The following TGM6 variants were observed in gnomAD, a reference collection of about 807,000 sequenced individuals.
TGM6 encodes protein-glutamine gamma-glutamyltransferase 6.
In TGM6, 74 loss-of-function variants were observed where a neutral mutation model predicts 77.5. The observed-to-expected ratio is 0.96, with a 90% CI of 0.79 to 1.16. The LOEUF is 1.16. Among genes scored for constraint, TGM6 ranks in the 50% most tolerant of loss-of-function variants. TGM6 has a pLI of 0.00. For synonymous variants in TGM6, 383 were observed against 378.9 expected (o/e 1.01, Z -0.12); for missense variants, 968 against 940.2 (o/e 1.03, Z -0.39).
chr20:2,382,844 G>A (rs754851843), intron 1 of TGM6, among the ~76,000 whole-genome samples: 72 of 152,298 alleles, frequency 4.7e-4, no homozygotes, highest in Admixed American at 2.0e-3. Context: ...CTGGAGCCTG[G>A]ATGTGGCCCC....
At chr20:2,398,787 T>A (rs1292275671) in intron 5 of TGM6, among the ~76,000 whole-genome samples, 6 of 152,104 alleles carry the variant, frequency 3.9e-5, no homozygotes, top group Admixed American at 3.9e-4. Context: ...ATCACAGGCC[T>A]CAGGCTATGG....
intron 6 of TGM6, 122 bp downstream of exon 6, chr20:2,399,860 A>G (rs1438108777): frequency 3.3e-6 from 3 of 910,300 alleles, no homozygotes; most frequent in African/African-American, 1.7e-5. Flanking sequence ...GACAGGGAGA[A>G]CGAAGTCTGG....
At chr20:2,429,768 CAA>C (rs764062831) in intron 10 of TGM6, among the ~76,000 whole-genome samples, 15 of 129,152 alleles carry the variant, frequency 1.2e-4, no homozygotes, top group Non-Finnish European at 8.4e-5. Context: ...ACTCCGTCTC[CAA>C]AAAAAAAAAA....
At chr20:2,418,507 G>T (rs1190817827) in intron 10 of TGM6, among the ~76,000 whole-genome samples, 1 of 152,126 alleles carries the variant, frequency 6.6e-6, no homozygotes, top group Non-Finnish European at 1.5e-5. Context: ...AGGCAGTCTG[G>T]CATGAGAGAC....
intron 10 of TGM6, among the ~76,000 whole-genome samples, chr20:2,428,266 G>A (rs984523193): frequency 1.8e-4 from 27 of 152,162 alleles, no homozygotes; most frequent in Non-Finnish European, 3.7e-4. Context: ...CGGTGCTATT[G>A]AGAACCATTG....
intron 10 of TGM6, among the ~76,000 whole-genome samples, chr20:2,424,877 T>C (rs2084877725): frequency 6.6e-6 from 1 of 152,128 alleles, no homozygotes; most frequent in Non-Finnish European, 1.5e-5. Context: ...TTCAATATTA[T>C]TGTGTATCCG....
Position 2,395,209 on chromosome 20 carries a change from A to G in TGM6, c.197A>G (p.Glu66Gly), listed in dbSNP as rs1352134782. ...TCTCCTCCAGGACCCCGGGCTTCTG[A>G]GGCCCTCCACACCAAAGCTGTGTTC... ...FTMETGPRAS[E>G]ALHTKAVFQT... is the part of the protein sequence containing the mutation. Residue 66 changes from glutamate to glycine, a missense_variant, in exon 3 of 13, where the codon GAG becomes GGG. By Grantham distance (98) the Glu-to-Gly change is moderately conservative. Coordinates refer to ENST00000202625, the MANE Select transcript of TGM6 (RefSeq NM_198994.3). The G allele has an allele frequency of 6.2e-7, 1 of 1,613,570 alleles. No homozygotes were observed. Among genetic ancestry groups the G allele is most frequent in the Admixed American group, 1.7e-5 (1 of 60,024 alleles).
intron 7 of TGM6, 27 bp downstream of exon 7, chr20:2,400,471 G>C (rs764652641): frequency 6.2e-7 from 1 of 1,613,668 alleles, no homozygotes; most frequent in South Asian, 1.1e-5. Flanking sequence ...GCCTAGGCCC[G>C]AGGGCTCTGG....
intron 1 of TGM6, among the ~76,000 whole-genome samples, chr20:2,390,173 C>T (rs187236291): frequency 6.2e-4 from 94 of 152,254 alleles, no homozygotes; most frequent in African/African-American, 2.1e-3. Flanking sequence ...GCGATGAGCC[C>T]TTCCTGTTCA....
intron 7 of TGM6, 47 bp from the exon 8 acceptor site, chr20:2,403,350 C>G (rs143305256): frequency 3.3e-5 from 53 of 1,605,758 alleles, no homozygotes; most frequent in Middle Eastern, 1.7e-4. Context: ...TCTTCCCTTC[C>G]TATGCCCTCA....
chr20:2,399,134 G>A (rs374024931), intron 5 of TGM6, among the ~76,000 whole-genome samples: 5 of 113,438 alleles, frequency 4.4e-5, no homozygotes, highest in African/African-American at 1.3e-4. Context: ...CTCAGTTTTT[G>A]CATCTGAAAA....
intron 10 of TGM6, among the ~76,000 whole-genome samples, chr20:2,424,251 C>G (rs935905905): frequency 6.6e-6 from 1 of 152,230 alleles, no homozygotes; most frequent in Admixed American, 6.5e-5. Flanking sequence ...TAGATGGCAT[C>G]TTCTTCCAAT....
intron 1 of TGM6, among the ~76,000 whole-genome samples, chr20:2,388,624 C>CA (rs11442124): frequency 0.63 from 93,062 of 147,730 alleles, 29,408 homozygotes; most frequent in African/African-American, 0.68. Flanking sequence ...AACAAACAAA[C>CA]AAACAAAAAA....
chr20:2,381,979 C>G (rs2084558081), intron 1 of TGM6, among the ~76,000 whole-genome samples: 1 of 60,176 alleles, frequency 1.7e-5, no homozygotes, highest in Non-Finnish European at 3.1e-5. Context: ...GCAGCAAACT[C>G]CCTCTGCAAG....
chr20:2,388,922 A>G (rs1202904903), intron 1 of TGM6, among the ~76,000 whole-genome samples: 1 of 152,204 alleles, frequency 6.6e-6, no homozygotes, highest in African/African-American at 2.4e-5. Flanking sequence ...GTGGTTCTCA[A>G]CTGTGGCAGA....
chr20:2,431,243 C>A (rs930214856), intron 12 of TGM6, among the ~76,000 whole-genome samples: 6 of 152,222 alleles, frequency 3.9e-5, no homozygotes, highest in African/African-American at 1.4e-4. Flanking sequence ...CTCAGTCATT[C>A]ACTCATATCA....
In TGM6 at chr20:2,394,545, G is replaced by T. The variant is rs566673079; in HGVS notation, c.101G>T (p.Arg34Met). The T allele has an allele frequency of 6.2e-7, 1 of 1,612,062 alleles. No homozygotes were observed. The highest frequency in any genetic ancestry group is 1.1e-5 in the South Asian group (1 of 90,960). ...EYPCPELVVRRGQSFSLTLEL... is the reference protein window; with the variant it reads ...EYPCPELVVRMGQSFSLTLEL... ...CCCTGCCCTGAGCTGGTGGTTCGCAGGGGCCAGTCGTTCAGCCTCACGCTG... is the reference window on the plus strand; with the variant it reads ...CCCTGCCCTGAGCTGGTGGTTCGCATGGGCCAGTCGTTCAGCCTCACGCTG... Residue 34 changes from arginine to methionine, a missense_variant, in exon 2 of 13, where the codon AGG becomes ATG. By Grantham distance (91) the Arg-to-Met change is moderately conservative (BLOSUM62 -1). Coordinates refer to ENST00000202625, the MANE Select transcript of TGM6 (RefSeq NM_198994.3).
chr20:2,387,806 G>C lies in TGM6; in HGVS notation c.8-6646G>C, dbSNP rs548680560. 7.2e-5 allele frequency among the ~76,000 whole-genome samples: 11 copies of C among 152,216 alleles called. No individual in the cohort carries two copies. In the East Asian group the frequency reaches 2.1e-3, roughly 29 times the overall value. On this transcript the variant is annotated intron_variant, in intron 1 of 12. Coordinates refer to ENST00000202625, the MANE Select transcript of TGM6 (RefSeq NM_198994.3). ...GCAGAGCTCGGCAGGGACAGCTTGC[G>C]TCTGCATCAGCTGGGGCAGATTGCC...
At chr20:2,397,633 C>T (rs538740085) in intron 4 of TGM6, among the ~76,000 whole-genome samples, 12 of 152,274 alleles carry the variant, frequency 7.9e-5, no homozygotes, top group Non-Finnish European at 1.6e-4. Context: ...GGATGTGGCT[C>T]GAGAGCCTCC....
Sources: allele counts gnomAD v4.1 joint callset (sites outside exome capture counted in the v4.1 genomes callset), GRCh38; gene constraint gnomAD v4.1.1; transcripts MANE v1.5; gene names NCBI Gene and HGNC (gene_info 2026-07-23, HGNC 2026-07-21).